Variants in KIAA1217 observed in about 807,000 individuals in gnomAD.
KIAA1217 encodes KIAA1217.
Under a neutral mutation model 163.9 loss-of-function variants are expected in KIAA1217, and 88 were observed. The observed-to-expected ratio is 0.54, with a 90% CI of 0.45 to 0.64. The LOEUF (loss-of-function observed/expected upper bound fraction) is 0.64. Among genes scored for constraint, KIAA1217 ranks in the 30% least tolerant of loss-of-function variants. KIAA1217 has a pLI of 0.00. For missense variants in KIAA1217, 2,372 were observed against 2,475.0 expected, an observed-to-expected ratio of 0.96 and a Z score of 0.88; for synonymous variants, 903 against 923.1, an observed-to-expected ratio of 0.98 and a Z score of 0.39.
intron 2 of KIAA1217, among the ~76,000 whole-genome samples, chr10:24,134,417 T>G (rs1029567801): frequency 1.6e-4 from 24 of 152,158 alleles, no homozygotes; most frequent in African/African-American, 5.8e-4. Flanking sequence ...GCATAAGATA[T>G]GCTTGAAACC....
At chr10:23,948,743 G>A (rs370241633) in intron 1 of KIAA1217, among the ~76,000 whole-genome samples, 4 of 152,144 alleles carry the variant, frequency 2.6e-5, no homozygotes, top group African/African-American at 4.8e-5. Context: ...TATATGGCAC[G>A]TGGTAGGCAT....
chr10:23,901,217 G>T (rs1841941166), intron 1 of KIAA1217, among the ~76,000 whole-genome samples: 1 of 152,028 alleles, frequency 6.6e-6, no homozygotes, highest in African/African-American at 2.4e-5. Context: ...GTTAACAGAG[G>T]TTAGGTAACT....
At chr10:23,943,491 A>T (rs551963818) in intron 1 of KIAA1217, among the ~76,000 whole-genome samples, 1 of 152,354 alleles carries the variant, frequency 6.6e-6, no homozygotes, top group African/African-American at 2.4e-5. Flanking sequence ...AAATGAAGAG[A>T]TATACCATGC....
At chr10:24,060,286 G>C (rs2060673784) in intron 2 of KIAA1217, among the ~76,000 whole-genome samples, 1 of 151,848 alleles carries the variant, frequency 6.6e-6, no homozygotes, top group Non-Finnish European at 1.5e-5. Context: ...TCTTAGCACT[G>C]TTTTTGCTGC....
chr10:24,458,066 T>G (rs1190827249), intron 5 of KIAA1217, among the ~76,000 whole-genome samples: 1 of 152,226 alleles, frequency 6.6e-6, no homozygotes, highest in East Asian at 1.9e-4. Context: ...TGGTCAATAT[T>G]TGGCTAAACT....
chr10:24,524,124 C>T (rs1440272834), intron 12 of KIAA1217, among the ~76,000 whole-genome samples, 199 bp from the exon 13 acceptor site: 1 of 152,112 alleles, frequency 6.6e-6, no homozygotes, highest in Non-Finnish European at 1.5e-5. Context: ...CTACCCACCC[C>T]CCAAACAATG....
intron 1 of KIAA1217, among the ~76,000 whole-genome samples, chr10:23,979,983 C>T (rs1320197440): frequency 6.6e-6 from 1 of 151,836 alleles, no homozygotes; most frequent in Non-Finnish European, 1.5e-5. Flanking sequence ...AAGTATTTAT[C>T]ACTGATTGTT....
chr10:24,434,107 G>A lies in KIAA1217; in HGVS notation c.752+914G>A, dbSNP rs186148060. ...GCTGGAGTACAATGGTGCGATCTCC[G>A]TTTACTGTAACCTCCGCCTCCTGGG... On this transcript the variant is annotated intron_variant, in intron 4 of 20. Transcript: ENST00000376454. 1.7e-3 allele frequency among the ~76,000 whole-genome samples: 217 copies of A among 126,600 alleles called. No individual in the cohort carries two copies. In the Middle Eastern group the frequency reaches 0.042, roughly 24 times the overall value. The allele number at this position is 126,600 out of a possible 152,430, so 83.1% of individuals were successfully genotyped here.
intron 2 of KIAA1217, among the ~76,000 whole-genome samples, chr10:24,348,636 A>G (rs371383254): frequency 2.6e-5 from 4 of 152,328 alleles, no homozygotes; most frequent in African/African-American, 9.6e-5. Context: ...CTTGAGGATA[A>G]AGAAGAAATG....
chr10:24,440,944 C>A (rs2060450536), intron 5 of KIAA1217, among the ~76,000 whole-genome samples: 1 of 152,198 alleles, frequency 6.6e-6, no homozygotes, highest in African/African-American at 2.4e-5. Context: ...TTTGGCTCTG[C>A]AGGTTGGAAT....
chr10:24,155,296 C>A (rs1372292369), intron 2 of KIAA1217, among the ~76,000 whole-genome samples: 1 of 152,160 alleles, frequency 6.6e-6, no homozygotes, highest in East Asian at 1.9e-4. Flanking sequence ...CTGAAACTCT[C>A]TGAGTTGGGC....
chr10:24,238,565 A>G (rs188645591), intron 2 of KIAA1217, among the ~76,000 whole-genome samples: 2 of 152,108 alleles, frequency 1.3e-5, no homozygotes, highest in East Asian at 1.9e-4. Context: ...AGTTCTCCAC[A>G]CCTTTTCCTA....
intron 1 of KIAA1217, among the ~76,000 whole-genome samples, chr10:24,217,499 C>A (rs1351289350): frequency 6.6e-6 from 1 of 152,120 alleles, no homozygotes; most frequent in East Asian, 1.9e-4. Flanking sequence ...AAGAATTATT[C>A]CCAGAACACA....
chr10:23,820,879 G>A (rs746931760), intron 1 of KIAA1217, among the ~76,000 whole-genome samples: 11 of 152,272 alleles, frequency 7.2e-5, no homozygotes, highest in Non-Finnish European at 5.9e-5. Context: ...AAGATGAAGA[G>A]CAGAGAATGG....
intron 2 of KIAA1217, among the ~76,000 whole-genome samples, chr10:24,278,186 C>T (rs1182469934): frequency 3.3e-5 from 5 of 152,098 alleles, no homozygotes; most frequent in East Asian, 1.9e-4. Context: ...GCCACAGTGG[C>T]GGTGTAAAGG....
intron 2 of KIAA1217, among the ~76,000 whole-genome samples, chr10:24,199,581 G>A (rs1025131002): frequency 2.6e-5 from 4 of 152,166 alleles, no homozygotes; most frequent in African/African-American, 9.7e-5. Flanking sequence ...TTTTCTTCAG[G>A]TTTTATTCTT....
At position 23,838,573 on chromosome 10, in the gene KIAA1217, G is replaced by A. The variant is rs998371351; in HGVS notation, c.-321+143339G>A. Among the ~76,000 whole-genome samples, 3 of 151,874 alleles carry A rather than the reference G, an allele frequency of 2.0e-5. No homozygotes were observed. In the South Asian group the frequency reaches 6.2e-4, roughly 32 times the overall value. ...CCTCCGAGGCTCAAGCAATTCTCCT[G>A]CCTCAGCCTCCCAAGTAGCTGGAAT... On this transcript the variant is annotated intron_variant, in intron 1 of 18. Coordinates refer to the KIAA1217 transcript ENST00000376462.
intron 1 of KIAA1217, among the ~76,000 whole-genome samples, chr10:23,969,108 C>A (rs1845193230): frequency 1.3e-5 from 2 of 152,166 alleles, no homozygotes; most frequent in South Asian, 4.1e-4. Flanking sequence ...GATCTCGGCT[C>A]ACTGCAACCT....
intron 2 of KIAA1217, among the ~76,000 whole-genome samples, chr10:24,068,268 T>C (rs561819212): frequency 6.6e-6 from 1 of 152,338 alleles, no homozygotes; most frequent in East Asian, 1.9e-4. Flanking sequence ...GCTGTTTCTA[T>C]TCAGCCATCT....
Sources: gnomAD v4.1 joint callset for allele counts (sites outside exome capture counted in the v4.1 genomes callset) on GRCh38, gnomAD v4.1.1 for gene constraint, MANE v1.5 for transcripts, NCBI Gene and HGNC (gene_info 2026-07-23, HGNC 2026-07-21) for gene names.